TIMELESS: variants seen among roughly 807,000 people sequenced by gnomAD.
TIMELESS encodes the protein timeless circadian regulator.
TIMELESS carries 124 observed loss-of-function variants against 164.3 expected under a neutral mutation model. That is an observed-to-expected ratio of 0.75 (90% CI 0.65 to 0.88). The LOEUF (loss-of-function observed/expected upper bound fraction) is 0.88. Among genes scored for constraint, TIMELESS ranks in the 40% least tolerant of loss-of-function variants. TIMELESS has a pLI of 0.00. For missense variants in TIMELESS, 1,422 were observed against 1,491.4 expected (o/e 0.95, Z 0.77); for synonymous variants, 564 against 563.4 (o/e 1.00, Z -0.02).
intron 1 of TIMELESS, among the ~76,000 whole-genome samples, chr12:56,437,353 A>G (rs1191431435): frequency 1.3e-5 from 2 of 152,188 alleles, no homozygotes; most frequent in African/African-American, 4.8e-5. Flanking sequence ...AAAGGAAATC[A>G]TTTGTACAAA....
chr12:56,423,940 T>C lies in TIMELESS; in HGVS notation c.1869-46A>G, dbSNP rs1470738423. ...AGGCTTTACCCAGGGGAAATCTGGC[T>C]TTAAATTTATAATTCGAAGTAGAAG... On this transcript the variant is annotated intron_variant, in intron 15 of 28. Coordinates refer to ENST00000553532, the MANE Select transcript of TIMELESS (RefSeq NM_003920.5). 3.3e-6 allele frequency: 5 copies of C among 1,529,354 alleles called. No homozygotes were observed. In the South Asian group the frequency reaches 4.5e-5, roughly 14 times the overall value. The allele number at this position is 1,529,354 out of a possible 1,614,324, so 94.7% of individuals were successfully genotyped here.
At position 56,422,868 on chromosome 12, in the gene TIMELESS, C is replaced by T. The variant is rs1417067291; in HGVS notation, c.2417G>A (p.Gly806Asp). The change falls in exon 19 of 29, where the codon GGC becomes GAC. Residue 806 changes from glycine (G) to aspartate (D), a missense_variant. Coordinates refer to ENST00000553532, the MANE Select transcript of TIMELESS (RefSeq NM_003920.5). ...NTAVVREMTE[G>D]YGSLDDRSSS... is the part of the protein sequence containing the mutation. ...TCACCTGTCATCCAGGGAGCCATAGCCCTCAGTCATCTCTCGAACCACAGC... is the reference window on the plus strand; with the variant it reads ...TCACCTGTCATCCAGGGAGCCATAGTCCTCAGTCATCTCTCGAACCACAGC... The T allele has an allele frequency of 6.2e-7, 1 of 1,610,020 alleles. No homozygotes were observed. Among genetic ancestry groups the T allele is most frequent in the East Asian group, 2.2e-5 (1 of 44,788 alleles).
At chr12:56,429,149 C>T in intron 10 of TIMELESS, 49 bp from the exon 11 acceptor site, 5 of 1,510,992 alleles carry the variant, frequency 3.3e-6, no homozygotes, top group Non-Finnish European at 3.6e-6. Flanking sequence ...CCAGGGCTTC[C>T]AACTTCTTCC....
chr12:56,428,723 C>T, intron 11 of TIMELESS, 71 bp from the exon 12 acceptor site: 1 of 1,488,382 alleles, frequency 6.7e-7, no homozygotes, highest in South Asian at 1.2e-5. Context: ...AGCAACTTCC[C>T]ACAGCGAAAA....
chr12:56,417,840 G>A lies in TIMELESS; in HGVS notation c.3557-54C>T. The A allele has an allele frequency of 3.1e-6, 5 of 1,613,496 alleles. 1 individual carries two copies. In the South Asian group the frequency reaches 5.5e-5, roughly 18 times the overall value. ...AGAGAATATCTAAATATGTTAAGGG[G>A]TAAGGACGTGGTAGAGTTTGTCTTC... On this transcript the variant is annotated intron_variant, in intron 28 of 28. Transcript: ENST00000553532.
chr12:56,426,963 A>T (rs1249075158), intron 13 of TIMELESS, among the ~76,000 whole-genome samples: 2 of 151,466 alleles, frequency 1.3e-5, no homozygotes, highest in African/African-American at 2.4e-5. Context: ...GTGAACCAAT[A>T]ATTTTATTTT....
intron 9 of TIMELESS, among the ~76,000 whole-genome samples, 192 bp from the exon 10 acceptor site, chr12:56,430,473 C>T (rs1278302736): frequency 6.6e-6 from 1 of 152,130 alleles, no homozygotes; most frequent in Non-Finnish European, 1.5e-5. Flanking sequence ...TCAAGGAATC[C>T]TCCCACCTCA....
At chr12:56,443,447 C>T (rs1211840759) in intron 1 of TIMELESS, among the ~76,000 whole-genome samples, 2 of 152,208 alleles carry the variant, frequency 1.3e-5, no homozygotes, top group Non-Finnish European at 2.9e-5. Flanking sequence ...TTTCTGCTCT[C>T]AAACCCTGTT....
chr12:56,449,088 C>G (rs530936705), intron 1 of TIMELESS, among the ~76,000 whole-genome samples: 27 of 152,386 alleles, frequency 1.8e-4, no homozygotes, highest in African/African-American at 6.3e-4. Context: ...CTGTGCGGAG[C>G]AGCGTAGGGC....
chr12:56,421,611 T>G, intron 22 of TIMELESS, 116 bp downstream of exon 22: 2 of 1,518,108 alleles, frequency 1.3e-6, no homozygotes, highest in Non-Finnish European at 1.8e-6. Context: ...CTTACAAATA[T>G]AGTAAGTGAA....
intron 15 of TIMELESS, 31 bp from the exon 16 acceptor site, chr12:56,423,925 C>T (rs1197144799): frequency 5.1e-6 from 8 of 1,578,782 alleles, no homozygotes; most frequent in South Asian, 3.4e-5. Context: ...AGGCTTTACC[C>T]AGGGGAAATC....
chr12:56,429,272 C>T (rs1007117053), intron 10 of TIMELESS, among the ~76,000 whole-genome samples, 172 bp from the exon 11 acceptor site: 3 of 151,788 alleles, frequency 2.0e-5, no homozygotes, highest in African/African-American at 7.3e-5. Context: ...GATCTCGGCT[C>T]ACCGCAACTT....
chr12:56,418,243 G>A lies in TIMELESS; in HGVS notation c.3345C>T (p.Val1115=), dbSNP rs11551823. 41 of 1,614,074 alleles carry A rather than the reference G, an allele frequency of 2.5e-5. No homozygotes were observed. The highest frequency in any genetic ancestry group is 3.3e-5 in the Non-Finnish European group (39 of 1,180,056). ...CCTCATCAGAGCCTTGCTCTCCAGG[G>A]ACTTTAGGCTGCAGCTCTGGCTGCA... ...QKLQPELQPK[V]PGEQGSDEEH... Residue 1115 remains valine (V), a synonymous_variant, in exon 27 of 29, where the codon GTC becomes GTT. Transcript: ENST00000553532.
rs1272962855 is a variant in TIMELESS at position 56,424,823 on chromosome 12, T to C, written c.1807A>G (p.Ile603Val). The C allele has an allele frequency of 1.2e-6, 2 of 1,614,122 alleles. No homozygotes were observed. Among genetic ancestry groups the C allele is most frequent in the South Asian group, 2.2e-5 (2 of 91,084 alleles). The change falls in exon 15 of 29, where the codon ATC becomes GTC. Residue 603 changes from isoleucine (I) to valine (V), a missense_variant. Ile to Val is a conservative substitution (Grantham distance 29). Coordinates refer to ENST00000553532, the MANE Select transcript of TIMELESS (RefSeq NM_003920.5). ...EEQRAEAMVRIQDCLLAGQAP... is the reference protein window; with the variant it reads ...EEQRAEAMVRVQDCLLAGQAP... ...TGGCCAGCCAGGAGACAGTCTTGGA[T>C]CCGTACCATAGCTTCTGCCCGCTGC... is the stretch of plus-strand genomic sequence containing the variant.
Position 56,423,848 on chromosome 12 carries a change from G to A in TIMELESS, c.1915C>T (p.Pro639Ser), listed in dbSNP as rs367907212. 2.5e-6 allele frequency: 4 copies of A among 1,614,088 alleles called. No homozygotes were observed. The highest frequency in any genetic ancestry group is 3.4e-6 in the Non-Finnish European group (4 of 1,180,046). ...GDVFGSQDIS[P>S]EEEIQLLKQI... ...TTCAGCAACTGGATCTCTTCCTCTG[G>A]AGAAATGTCTTGAGAGCCAAACACA... The change falls in exon 16 of 29, where the codon CCA (proline) becomes TCA (serine). Residue 639 changes from proline (P) to serine (S), a missense_variant. Physicochemically the swap from Pro to Ser is moderately conservative, Grantham distance 74. Coordinates refer to ENST00000553532, the MANE Select transcript of TIMELESS (RefSeq NM_003920.5).
intron 1 of TIMELESS, among the ~76,000 whole-genome samples, chr12:56,445,592 G>A (rs1200142671): frequency 6.6e-6 from 1 of 151,786 alleles, no homozygotes; most frequent in Non-Finnish European, 1.5e-5. Context: ...TACAAAATTA[G>A]CTGGGTGTAG....
intron 28 of TIMELESS, 51 bp downstream of exon 28, chr12:56,417,856 G>A: frequency 6.2e-7 from 1 of 1,613,466 alleles, no homozygotes; most frequent in African/African-American, 1.3e-5. Flanking sequence ...ACGTGGTAGA[G>A]TTTGTCTTCA....
chr12:56,439,127 C>T (rs1297469991), intron 1 of TIMELESS, among the ~76,000 whole-genome samples: 14 of 137,198 alleles, frequency 1.0e-4, no homozygotes, highest in Non-Finnish European at 1.7e-4. Context: ...AATCGTGCCA[C>T]TGCACTCCAG....
In TIMELESS at chr12:56,432,517, T is replaced by C; in HGVS notation, c.539A>G (p.Asp180Gly). The C allele has an allele frequency of 6.2e-7, 1 of 1,613,758 alleles. No homozygotes were observed. Among genetic ancestry groups the C allele is most frequent in the Non-Finnish European group, 8.5e-7 (1 of 1,179,880 alleles). Reference sequence around the variant, plus strand: ...CTGGTCATGGGCACTGGCGTCATCATCAATCTTCTGAGCAGTGAGTGGTGA... The same window carrying C: ...CTGGTCATGGGCACTGGCGTCATCACCAATCTTCTGAGCAGTGAGTGGTGA... ...PADLDQEKKI[D>G]DDASAHDQLL... The change falls in exon 7 of 29, where the codon GAT (aspartate) becomes GGT (glycine). Residue 180 changes from aspartate to glycine, a missense_variant. Asp to Gly is a moderately conservative substitution (Grantham distance 94, BLOSUM62 -1). Transcript: ENST00000553532.
Sources: allele counts gnomAD v4.1 joint callset (sites outside exome capture counted in the v4.1 genomes callset), GRCh38; gene constraint gnomAD v4.1.1; transcripts MANE v1.5; gene names NCBI Gene and HGNC (gene_info 2026-07-23, HGNC 2026-07-21).